Variants in SLC28A1 observed in about 807,000 individuals in gnomAD.
SLC28A1 encodes the protein solute carrier family 28 member 1.
Under a neutral mutation model 74.8 loss-of-function variants are expected in SLC28A1, and 64 were observed. The observed-to-expected ratio is 0.86, with a 90% CI of 0.70 to 1.05. The LOEUF (loss-of-function observed/expected upper bound fraction) is 1.05. SLC28A1 is among the 50% of genes least tolerant of loss of function. The pLI, the probability that SLC28A1 is intolerant of heterozygous loss-of-function variation, is 0.00. For synonymous variants in SLC28A1, 359 were observed against 335.0 expected (o/e 1.07, Z -0.78); for missense variants, 828 against 822.8 (o/e 1.01, Z -0.08).
At chr15:84,975,365 C>T in the SLC28A1 span, 12 of 384,226 alleles carry the variant, frequency 3.1e-5, no homozygotes, top group East Asian at 7.5e-4. Flanking sequence ...CCAACATCTG[C>T]GTTCCAGTTT....
At chr15:84,928,868 C>G (rs1970953563) in intron 12 of SLC28A1, among the ~76,000 whole-genome samples, 1 of 151,826 alleles carries the variant, frequency 6.6e-6, no homozygotes, top group South Asian at 2.1e-4. Flanking sequence ...GGTGATCCAC[C>G]CGCCTCGGCC....
intron 6 of SLC28A1, among the ~76,000 whole-genome samples, chr15:84,899,528 G>T (rs1966371940): frequency 6.6e-6 from 1 of 152,174 alleles, no homozygotes; most frequent in Admixed American, 6.5e-5. Context: ...AAAAAGACGT[G>T]CAGAGGAGCA....
At position 84,904,014 on chromosome 15, in the gene SLC28A1, C is replaced by T. The variant is rs565469242; in HGVS notation, c.462-83C>T. ...CTCCTCCCAGCCCTGAGCACCCTTTCTCTGGGTCCCCGGGTGCTATTGTGT... is the reference window on the plus strand; with the variant it reads ...CTCCTCCCAGCCCTGAGCACCCTTTTTCTGGGTCCCCGGGTGCTATTGTGT... On this transcript the variant is annotated intron_variant, in intron 6 of 18. Coordinates refer to ENST00000394573, the MANE Select transcript of SLC28A1 (RefSeq NM_004213.5). The T allele has an allele frequency of 1.2e-5, 19 of 1,586,356 alleles. No individual in the cohort carries two copies. In the South Asian group the frequency reaches 1.9e-4, roughly 16 times the overall value.
intron 16 of SLC28A1, 64 bp from the exon 17 acceptor site, chr15:84,944,502 C>T: frequency 9.0e-7 from 1 of 1,106,038 alleles, no homozygotes; most frequent in South Asian, 1.3e-5. Context: ...GCAGCCCGAG[C>T]TGCGGAACGC....
the SLC28A1 span, chr15:84,961,470 TAC>T: frequency 2.2e-6 from 1 of 453,494 alleles, no homozygotes; most frequent in Admixed American, 2.4e-5. Flanking sequence ...CAGCTGGGAC[TAC>T]ATGTATGTGC....
In SLC28A1 at chr15:84,906,578, CT is replaced by C. The variant is rs1567140859; in HGVS notation, c.717+928del. Among the ~76,000 whole-genome samples, 4 of 10,028 alleles carry C rather than the reference CT, an allele frequency of 4.0e-4. 1 individual carries two copies. Among genetic ancestry groups the C allele is most frequent in the African/African-American group, 7.3e-4 (4 of 5,514 alleles). 6.6% of individuals were successfully genotyped at this position (10,028 alleles called of 152,430 possible). On this transcript the variant is annotated intron_variant, in intron 8 of 18. Transcript: ENST00000394573. ...TTTCTTTCTTTCTCTTTCTTTCTTC[CT>C]TCCTTCCTTCCTTCCTTCCTTCCTT...
At chr15:84,908,174 A>ATTTTTT (rs1596270479) in intron 8 of SLC28A1, among the ~76,000 whole-genome samples, 9 of 65,888 alleles carry the variant, frequency 1.4e-4, no homozygotes, top group East Asian at 5.0e-4. Context: ...CTCCCAGAGC[A>ATTTTTT]TTTCTTTTTT....
intron 8 of SLC28A1, 105 bp from the exon 9 acceptor site, chr15:84,908,613 G>A (rs115887567): frequency 0.011 from 10,016 of 908,436 alleles, 78 homozygotes; most frequent in African/African-American, 0.016. Flanking sequence ...GGGCCTGGGG[G>A]GACTACGTCC....
At chr15:84,938,200 CA>C (rs34641275) in intron 15 of SLC28A1, among the ~76,000 whole-genome samples, 143 of 129,142 alleles carry the variant, frequency 1.1e-3, no homozygotes, top group East Asian at 4.1e-3. Flanking sequence ...AACTCCATCT[CA>C]AAAAAAAAAA....
chr15:84,887,784 AAG>A lies in SLC28A1; in HGVS notation c.29_30del (p.Glu10ValfsTer17), dbSNP rs1180091851. The A allele has an allele frequency of 3.1e-6, 5 of 1,613,878 alleles. No individual in the cohort carries two copies. In the African/African-American group the frequency reaches 5.3e-5, roughly 17 times the overall value. MENDPSRRRESISLTPVAK... is the reference protein window; with the variant it reads MENDPSRRXESISLTPVAK... Reference sequence around the variant, plus strand: ...ACATGGAGAACGACCCCTCGAGACGAAGAGAGTCCATCTCTCTCACACCTGTG... The same window carrying A: ...ACATGGAGAACGACCCCTCGAGACGAAGAGTCCATCTCTCTCACACCTGTG... On this transcript the variant is annotated frameshift_variant, in exon 3 of 19. Coordinates refer to ENST00000394573, the MANE Select transcript of SLC28A1 (RefSeq NM_004213.5). LOFTEE classifies it high-confidence loss of function.
intron 9 of SLC28A1, among the ~76,000 whole-genome samples, chr15:84,916,888 T>C (rs781369433): frequency 6.6e-6 from 1 of 151,542 alleles, no homozygotes; most frequent in East Asian, 1.9e-4. Context: ...ATTAGCTGGG[T>C]GTGGCAGCAA....
intron 11 of SLC28A1, 104 bp downstream of exon 11, chr15:84,921,173 T>G: frequency 1.2e-6 from 1 of 864,910 alleles, no homozygotes; most frequent in South Asian, 1.4e-5. Context: ...GAAGAGCCAT[T>G]TGAACCTTCT....
At chr15:84,959,541 T>C in the SLC28A1 span, among the ~76,000 whole-genome samples, 1 of 152,288 alleles carries the variant, frequency 6.6e-6, no homozygotes, top group East Asian at 1.9e-4. Flanking sequence ...TCTTCTCTTA[T>C]TGTTCTTTCT....
intron 12 of SLC28A1, among the ~76,000 whole-genome samples, chr15:84,929,256 T>G (rs1596330381): frequency 1.3e-5 from 2 of 152,124 alleles, no homozygotes; most frequent in Non-Finnish European, 2.9e-5. Flanking sequence ...TTTTAAAATG[T>G]GGCTATGGCC....
chr15:84,887,112 T>C (rs1484118780), intron 2 of SLC28A1, among the ~76,000 whole-genome samples: 1 of 152,184 alleles, frequency 6.6e-6, no homozygotes, highest in East Asian at 1.9e-4. Context: ...TCAGGTATAG[T>C]TGGATCCAGG....
chr15:84,887,946 C>T, intron 3 of SLC28A1, 90 bp downstream of exon 3: 5 of 904,142 alleles, frequency 5.5e-6, no homozygotes, highest in Non-Finnish European at 9.3e-6. Flanking sequence ...TGCTCACCAC[C>T]TTCCCTCATA....
intron 6 of SLC28A1, among the ~76,000 whole-genome samples, chr15:84,901,781 C>A (rs1966716032): frequency 6.6e-6 from 1 of 152,196 alleles, no homozygotes; most frequent in South Asian, 2.1e-4. Flanking sequence ...TAAAATTGCA[C>A]AATTGCTGTA....
intron 9 of SLC28A1, among the ~76,000 whole-genome samples, chr15:84,914,701 C>G (rs926612668): frequency 1.3e-5 from 2 of 152,204 alleles, no homozygotes; most frequent in African/African-American, 4.8e-5. Context: ...CACTTGCCTC[C>G]CCTTTCCACA....
intron 8 of SLC28A1, among the ~76,000 whole-genome samples, chr15:84,907,490 T>A (rs4843001): frequency 0.59 from 88,919 of 151,758 alleles, 26,232 homozygotes; most frequent in South Asian, 0.69. Context: ...GGCCTTTTTT[T>A]AATTTTAGTT....
Sources: gnomAD v4.1 joint callset for allele counts (sites outside exome capture counted in the v4.1 genomes callset) on GRCh38, gnomAD v4.1.1 for gene constraint, MANE v1.5 for transcripts, NCBI Gene and HGNC (gene_info 2026-07-23, HGNC 2026-07-21) for gene names.